VHL: variants seen among roughly 807,000 people sequenced by gnomAD.
VHL encodes von Hippel-Lindau disease tumor suppressor.
Under a neutral mutation model 19.2 loss-of-function variants are expected in VHL, and 10 were observed. That is an observed-to-expected ratio of 0.52 (90% CI 0.32 to 0.89). The LOEUF is 0.89. Among genes scored for constraint, VHL ranks in the 40% least tolerant of loss-of-function variants. The probability of loss-of-function intolerance (pLI) is 0.03; values close to 1 mark genes in which losing one functional copy is unlikely to be tolerated. For missense variants in VHL, 328 were observed against 292.7 expected (o/e 1.12, Z -0.88); for synonymous variants, 167 against 129.5 (o/e 1.29, Z -1.97).
intron 1 of VHL, among the ~76,000 whole-genome samples, chr3:10,144,551 T>TGG (rs1283450211): frequency 1.4e-5 from 2 of 145,412 alleles, no homozygotes; most frequent in Admixed American, 7.1e-5. Context: ...GGCTGGAGTG[T>TGG]GGAGGCTGGA....
At chr3:10,143,838 A>T (rs1164261218) in intron 1 of VHL, among the ~76,000 whole-genome samples, 1 of 152,206 alleles carries the variant, frequency 6.6e-6, no homozygotes, top group Non-Finnish European at 1.5e-5. Flanking sequence ...TTTGGAGGGG[A>T]AAGACTGCTG....
At chr3:10,149,456 A>G (rs1223314347) in intron 2 of VHL, among the ~76,000 whole-genome samples, 1 of 152,184 alleles carries the variant, frequency 6.6e-6, no homozygotes, top group Non-Finnish European at 1.5e-5. Flanking sequence ...AGGGTAGCTC[A>G]GGGCTTTCAA....
chr3:10,142,716 T>A, intron 1 of VHL: 1 of 162,352 alleles, frequency 6.2e-6, no homozygotes, highest in South Asian at 1.5e-4. Flanking sequence ...CCCACGTGTA[T>A]TTTCCCCTCA....
chr3:10,149,369 TCCC>T (rs1696344221), intron 2 of VHL, among the ~76,000 whole-genome samples: 1 of 152,158 alleles, frequency 6.6e-6, no homozygotes, highest in Non-Finnish European at 1.5e-5. Context: ...GACGTTGGCC[TCCC>T]AAAGTGTTGG....
chr3:10,144,112 A>G (rs900921950), intron 1 of VHL, among the ~76,000 whole-genome samples: 1 of 152,114 alleles, frequency 6.6e-6, no homozygotes, highest in Non-Finnish European at 1.5e-5. Flanking sequence ...CCTATTTTAT[A>G]TAGGAAATTG....
chr3:10,150,228 A>T lies in VHL; in HGVS notation c.*263A>T. The T allele has an allele frequency of 7.4e-7, 1 of 1,345,188 alleles. No individual in the cohort carries two copies. Among genetic ancestry groups the T allele is most frequent in the South Asian group, 1.5e-5 (1 of 65,688 alleles). The allele number at this position is 1,345,188 out of a possible 1,614,324, so 83.3% of individuals were successfully genotyped here. Reference sequence around the variant, plus strand: ...GGTGGTGGCATTTTTGCTTCCTAGTAAGTCAGGACAGCTTGTATGTAAGGA... The same window carrying T: ...GGTGGTGGCATTTTTGCTTCCTAGTTAGTCAGGACAGCTTGTATGTAAGGA... On this transcript the variant is annotated 3_prime_UTR_variant, in exon 3 of 3. Coordinates refer to ENST00000256474, the MANE Select transcript of VHL (RefSeq NM_000551.4).
chr3:10,144,777 T>C (rs181268910), intron 1 of VHL, among the ~76,000 whole-genome samples: 18 of 152,258 alleles, frequency 1.2e-4, no homozygotes, highest in Non-Finnish European at 2.2e-4. Flanking sequence ...TTTTTTATTA[T>C]ACTTTAAGTT....
In VHL at chr3:10,151,671, A is replaced by G. The variant is rs1016724013; in HGVS notation, c.*1706A>G. ...ATGTTAGTATAAGCTTTTCACAAAC[A>G]TTAGTATAGTCTCCCTTTTATAATT... On this transcript the variant is annotated 3_prime_UTR_variant, in exon 3 of 3. Transcript: ENST00000256474. 2 of 214,782 alleles carry G rather than the reference A, an allele frequency of 9.3e-6. No individual in the cohort carries two copies. Among genetic ancestry groups the G allele is most frequent in the African/African-American group, 4.5e-5 (2 of 44,370 alleles). The allele number at this position is 214,782 out of a possible 1,614,324, so 13.3% of individuals were successfully genotyped here.
chr3:10,150,857 C>G lies in VHL; in HGVS notation c.*892C>G, dbSNP rs981001245. ...TTCCTTTTTGTAAATATGTGACATT[C>G]CTGATTGATTTGGGTTTTTTTGTTG... On this transcript the variant is annotated 3_prime_UTR_variant, in exon 3 of 3. Transcript: ENST00000256474. The G allele has an allele frequency of 4.3e-6, 1 of 230,330 alleles. No individual in the cohort carries two copies. Among genetic ancestry groups the G allele is most frequent in the Non-Finnish European group, 8.6e-6 (1 of 116,386 alleles). The allele number at this position is 230,330 out of a possible 1,614,324, so 14.3% of individuals were successfully genotyped here.
intron 2 of VHL, among the ~76,000 whole-genome samples, chr3:10,148,882 A>G (rs995184703): frequency 4.0e-5 from 6 of 150,836 alleles, no homozygotes; most frequent in Admixed American, 2.0e-4. Flanking sequence ...CATGTTGACC[A>G]GGCTGATCTT....
chr3:10,143,718 A>G (rs1048621797), intron 1 of VHL, among the ~76,000 whole-genome samples: 1 of 152,160 alleles, frequency 6.6e-6, no homozygotes, highest in Non-Finnish European at 1.5e-5. Flanking sequence ...AAGTGCTGGG[A>G]TTACAGGCGT....
At chr3:10,148,709 C>T (rs995306731) in intron 2 of VHL, among the ~76,000 whole-genome samples, 4 of 144,412 alleles carry the variant, frequency 2.8e-5, no homozygotes, top group Non-Finnish European at 6.0e-5. Flanking sequence ...GACAGAGTCT[C>T]ACTGTGTCAC....
At position 10,141,825 on chromosome 3, in the gene VHL, G is replaced by T. The variant is rs760414295; in HGVS notation, c.-23G>T. 1.3e-6 allele frequency: 2 copies of T among 1,536,496 alleles called. No individual in the cohort carries two copies. Among genetic ancestry groups the T allele is most frequent in the East Asian group, 2.5e-5 (1 of 40,434 alleles). ...CCGCGGATCCCGCGGCGTCCGGCCC[G>T]GGTGGTCTGGATCGCGGAGGGAATG... On this transcript the variant is annotated 5_prime_UTR_variant, in exon 1 of 3. Transcript: ENST00000256474.
chr3:10,150,047 C>T lies in VHL; in HGVS notation c.*82C>T. ...CTTGATCTAGATACAGGACTGGTTC[C>T]TTCCTTAGTTTCAAAGTGTCTCATT... On this transcript the variant is annotated 3_prime_UTR_variant, in exon 3 of 3. Coordinates refer to ENST00000256474, the MANE Select transcript of VHL (RefSeq NM_000551.4). The T allele has an allele frequency of 6.4e-7, 1 of 1,557,704 alleles. No homozygotes were observed. The highest frequency in any genetic ancestry group is 8.7e-7 in the Non-Finnish European group (1 of 1,150,818).
At chr3:10,149,631 C>T (rs1696350230) in intron 2 of VHL, among the ~76,000 whole-genome samples, 156 bp from the exon 3 acceptor site, 1 of 152,182 alleles carries the variant, frequency 6.6e-6, no homozygotes, top group Non-Finnish European at 1.5e-5. Context: ...AGGGGGCCAT[C>T]AGCATAACAC....
Position 10,153,515 on chromosome 3 carries a change from G to A in VHL, c.*3550G>A, listed in dbSNP as rs774645008. 6.6e-6 allele frequency among the ~76,000 whole-genome samples: 1 copy of A among 151,972 alleles called. No individual in the cohort carries two copies. Among genetic ancestry groups the A allele is most frequent in the African/African-American group, 2.4e-5 (1 of 41,384 alleles). On this transcript the variant is annotated 3_prime_UTR_variant, in exon 3 of 3. Coordinates refer to ENST00000256474, the MANE Select transcript of VHL (RefSeq NM_000551.4). ...GTCCAAGGAAAATTAAAAACCTGTA[G>A]CATGAATAATGTTTGTTTTTCATTT...
chr3:10,147,906 A>G (rs1696302526), intron 2 of VHL, among the ~76,000 whole-genome samples: 1 of 151,996 alleles, frequency 6.6e-6, no homozygotes, highest in Non-Finnish European at 1.5e-5. Context: ...AGCCTGGACA[A>G]CAAAGTGAGA....
intron 2 of VHL, among the ~76,000 whole-genome samples, chr3:10,147,824 A>G (rs996098585): frequency 6.6e-6 from 1 of 152,130 alleles, no homozygotes; most frequent in Non-Finnish European, 1.5e-5. Flanking sequence ...TCCTGCCTGT[A>G]ATCATGCCTG....
chr3:10,144,911 A>C lies in VHL; in HGVS notation c.341-1603A>C, dbSNP rs937225765. On this transcript the variant is annotated intron_variant, in intron 1 of 2. Coordinates refer to ENST00000256474, the MANE Select transcript of VHL (RefSeq NM_000551.4). ...ATAACATTACTTTTGAAGGTACTTA[A>C]TGCACTGAATTGTACATTTAAAAAT... 8.5e-5 allele frequency among the ~76,000 whole-genome samples: 13 copies of C among 152,312 alleles called. No individual in the cohort carries two copies. In the South Asian group the frequency reaches 2.5e-3, roughly 29 times the overall value.
Sources: allele counts gnomAD v4.1 joint callset (sites outside exome capture counted in the v4.1 genomes callset), GRCh38; gene constraint gnomAD v4.1.1; transcripts MANE v1.5; gene names NCBI Gene and HGNC (gene_info 2026-07-23, HGNC 2026-07-21).